DPP6: variants seen among roughly 807,000 people sequenced by gnomAD.
The protein encoded by DPP6 is dipeptidyl peptidase like 6, also known as A-type potassium channel modulatory protein DPP6.
In DPP6, 69 loss-of-function variants were observed where a neutral mutation model predicts 122.6. The ratio of observed to expected loss-of-function variants is 0.56; its 90% CI spans 0.46 to 0.69. The LOEUF is 0.69. Ranked by LOEUF, DPP6 falls within the 30% of genes least tolerant of loss-of-function variation. DPP6 has a pLI of 0.00. For synonymous variants in DPP6, 418 were observed against 433.1 expected, an observed-to-expected ratio of 0.97 and a Z score of 0.43; for missense variants, 928 against 1,116.9, an observed-to-expected ratio of 0.83 and a Z score of 2.41.
chr7:154,607,561 CA>C (rs1162220684), intron 5 of DPP6, among the ~76,000 whole-genome samples: 58 of 22,376 alleles, frequency 2.6e-3, no homozygotes, highest in South Asian at 0.02. Context: ...GACTCTGTCT[CA>C]AAAAAAAAAA....
At chr7:153,886,531 A>C (rs1282704499), upstream of DPP6, among the ~76,000 whole-genome samples, 1 of 152,136 alleles carries the variant, frequency 6.6e-6, no homozygotes, top group Non-Finnish European at 1.5e-5. Context: ...AAAGCCGCCG[A>C]GGGACGCGGC....
intron 13 of DPP6, 58 bp from the exon 14 acceptor site, chr7:154,803,806 G>C (rs1798524418): frequency 1.3e-6 from 2 of 1,574,890 alleles, no homozygotes; most frequent in Admixed American, 1.8e-5. Context: ...AGGATGAAGA[G>C]CCATGCTGGG....
At chr7:154,870,954 C>T (rs1804327250) in intron 18 of DPP6, among the ~76,000 whole-genome samples, 1 of 108,264 alleles carries the variant, frequency 9.2e-6, no homozygotes, top group South Asian at 3.3e-4. Flanking sequence ...CAGAATGAGA[C>T]TCCATCTCAA....
At chr7:154,236,989 A>T (rs1046676377) in intron 1 of DPP6, among the ~76,000 whole-genome samples, 1 of 151,986 alleles carries the variant, frequency 6.6e-6, no homozygotes, top group Non-Finnish European at 1.5e-5. Context: ...CCTGTGTCTC[A>T]TCCACTTTCC....
intron 5 of DPP6, among the ~76,000 whole-genome samples, chr7:154,590,700 A>G (rs1461671892): frequency 6.7e-6 from 1 of 149,832 alleles, no homozygotes; most frequent in Non-Finnish European, 1.5e-5. Context: ...ACACCCGGCT[A>G]ATTTTGTATG....
At chr7:154,406,776 C>T (rs1187880442) in intron 1 of DPP6, among the ~76,000 whole-genome samples, 2 of 152,158 alleles carry the variant, frequency 1.3e-5, no homozygotes, top group Non-Finnish European at 2.9e-5. Context: ...TCCTTACTAC[C>T]TTTGCAAAAC....
At chr7:153,862,850 A>T in the DPP6 span, among the ~76,000 whole-genome samples, 3 of 152,214 alleles carry the variant, frequency 2.0e-5, no homozygotes, top group South Asian at 6.2e-4. Flanking sequence ...GGTAACATAT[A>T]ATACTATTTA....
chr7:154,094,789 T>C (rs1368233577), intron 1 of DPP6: 1 of 152,108 alleles, frequency 6.6e-6, no homozygotes, highest in East Asian at 1.9e-4. Flanking sequence ...GCCTATGCCT[T>C]CTTGTTGGCA....
intron 1 of DPP6, among the ~76,000 whole-genome samples, chr7:154,357,179 A>C (rs998818607): frequency 6.6e-6 from 1 of 152,192 alleles, no homozygotes; most frequent in African/African-American, 2.4e-5. Context: ...AATGTATCTA[A>C]AATGAAAAAA....
intron 1 of DPP6, among the ~76,000 whole-genome samples, chr7:154,304,199 G>T (rs542309358): frequency 1.1e-3 from 167 of 152,352 alleles, no homozygotes; most frequent in Middle Eastern, 6.8e-3. Context: ...AGTGGGAAAT[G>T]CATCAACAGA....
Position 154,640,740 on chromosome 7 carries a change from G to A in DPP6, c.680+2867G>A, listed in dbSNP as rs114988837. Among the ~76,000 whole-genome samples, 904 of 152,114 alleles carry A rather than the reference G, an allele frequency of 5.9e-3. 8 individuals are homozygous for A. Among genetic ancestry groups the A allele is most frequent in the African/African-American group, 0.021 (855 of 41,478 alleles). ...GATCTAGGTGGGTTTTGGATAGGGA[G>A]GAAAGCACAATTGTCTTTTAAAAAT... On this transcript the variant is annotated intron_variant, in intron 6 of 25. Coordinates refer to ENST00000377770, the MANE Select transcript of DPP6 (RefSeq NM_130797.4).
chr7:154,188,325 T>G (rs1375457193), intron 1 of DPP6, among the ~76,000 whole-genome samples: 2 of 152,174 alleles, frequency 1.3e-5, no homozygotes, highest in East Asian at 3.9e-4. Flanking sequence ...CCCCCAAATA[T>G]ATTTGTCTTG....
intron 16 of DPP6, among the ~76,000 whole-genome samples, chr7:154,808,236 T>C (rs1299284179): frequency 6.6e-6 from 1 of 152,232 alleles, no homozygotes; most frequent in African/African-American, 2.4e-5. Context: ...TGCTAGCTAC[T>C]AGAGAGCTCA....
At chr7:154,002,943 C>A (rs1003021674) in intron 1 of DPP6, among the ~76,000 whole-genome samples, 2 of 152,140 alleles carry the variant, frequency 1.3e-5, no homozygotes. Context: ...GTCTCCTTTC[C>A]TGGAAATGTC....
chr7:154,558,796 T>A (rs2130454547), intron 4 of DPP6, among the ~76,000 whole-genome samples: 1 of 152,330 alleles, frequency 6.6e-6, no homozygotes. Flanking sequence ...ACATATCAGA[T>A]ATATTGTTAA....
intron 8 of DPP6, among the ~76,000 whole-genome samples, chr7:154,748,888 G>A (rs1843168298): frequency 6.6e-6 from 1 of 152,220 alleles, no homozygotes; most frequent in Admixed American, 6.5e-5. Context: ...TGCTGCATTT[G>A]GGTATTTCCA....
chr7:154,176,800 G>C (rs961413084), intron 1 of DPP6, among the ~76,000 whole-genome samples: 1 of 152,096 alleles, frequency 6.6e-6, no homozygotes, highest in Non-Finnish European at 1.5e-5. Flanking sequence ...CCTTCCATTC[G>C]GGGACCTGTG....
chr7:154,658,546 C>A (rs777217564), intron 6 of DPP6, among the ~76,000 whole-genome samples: 1 of 152,050 alleles, frequency 6.6e-6, no homozygotes, highest in African/African-American at 2.4e-5. Flanking sequence ...CGGGAGGAAG[C>A]CTTCTGCAGG....
chr7:154,725,876 T>G (rs1842039509), intron 7 of DPP6, among the ~76,000 whole-genome samples: 1 of 152,158 alleles, frequency 6.6e-6, no homozygotes, highest in Non-Finnish European at 1.5e-5. Flanking sequence ...ACACAGGCAT[T>G]GGGTAAATAC....
Sources: gnomAD v4.1 joint callset for allele counts (sites outside exome capture counted in the v4.1 genomes callset) on GRCh38, gnomAD v4.1.1 for gene constraint, MANE v1.5 for transcripts, NCBI Gene and HGNC (gene_info 2026-07-23, HGNC 2026-07-21) for gene names.